CASP5: variants seen among roughly 807,000 people sequenced by gnomAD.
CASP5 encodes the protein caspase-5.
A neutral mutation model predicts 45.2 loss-of-function variants in CASP5; 42 were observed. The ratio of observed to expected loss-of-function variants is 0.93; its 90% CI spans 0.73 to 1.20. The LOEUF is 1.20. Among genes scored for constraint, CASP5 ranks in the 50% most tolerant of loss-of-function variants. CASP5 has a pLI of 0.00. For synonymous variants in CASP5, 209 were observed against 186.2 expected, an observed-to-expected ratio of 1.12 and a Z score of -1.00; for missense variants, 512 against 532.2, an observed-to-expected ratio of 0.96 and a Z score of 0.37.
intron 1 of CASP5, among the ~76,000 whole-genome samples, chr11:105,009,205 T>G (rs1310558575): frequency 1.3e-5 from 2 of 152,012 alleles, no homozygotes; most frequent in Non-Finnish European, 2.9e-5. Context: ...TTGTTTTTTA[T>G]AGCTTGTCTT....
chr11:105,008,712 G>A, intron 2 of CASP5, 95 bp downstream of exon 2: 2 of 816,160 alleles, frequency 2.5e-6, no homozygotes, highest in South Asian at 3.5e-5. Flanking sequence ...ATAAAGGAAG[G>A]AGGATAGGGG....
chr11:105,016,049 T>C (rs186180589), intron 1 of CASP5, among the ~76,000 whole-genome samples: 1 of 152,152 alleles, frequency 6.6e-6, no homozygotes, highest in South Asian at 2.1e-4. Flanking sequence ...AAAAAGGCAA[T>C]AGGGAGCCAA....
intron 1 of CASP5, among the ~76,000 whole-genome samples, chr11:105,021,225 T>A (rs1002042822): frequency 1.3e-5 from 2 of 150,896 alleles, no homozygotes; most frequent in African/African-American, 4.9e-5. Flanking sequence ...AACCTAGACA[T>A]TACCATTCAG....
intron 1 of CASP5, among the ~76,000 whole-genome samples, chr11:105,010,263 A>G (rs1862276027): frequency 6.6e-6 from 1 of 151,160 alleles, no homozygotes. Context: ...TACATTTAAT[A>G]AATGTAACAT....
At chr11:105,017,800 A>C (rs1328489104) in intron 1 of CASP5, among the ~76,000 whole-genome samples, 4 of 152,106 alleles carry the variant, frequency 2.6e-5, no homozygotes, top group Non-Finnish European at 5.9e-5. Flanking sequence ...CAGGAAATAC[A>C]GAGAATGCCA....
chr11:105,016,628 T>A (rs1056245031), intron 1 of CASP5, among the ~76,000 whole-genome samples: 1 of 152,226 alleles, frequency 6.6e-6, no homozygotes, highest in African/African-American at 2.4e-5. Flanking sequence ...CATCAGATTA[T>A]ATCCTGCACC....
In CASP5 at chr11:105,002,083, C is replaced by T; in HGVS notation, c.662G>A (p.Arg221Lys). The part of the protein sequence containing the change: ...GAHYDIVGMK[R>K]LLQGLGYTVV... ...AGTGTAGCCCAGGCCTTGAAGCAGCCTTTTCATCCCCACGATGTCATAGTG... is the reference window on the plus strand; with the variant it reads ...AGTGTAGCCCAGGCCTTGAAGCAGCTTTTTCATCCCCACGATGTCATAGTG... The change falls in exon 5 of 10, where the codon AGG becomes AAG. Residue 221 changes from arginine (R) to lysine (K), a missense_variant. By Grantham distance (26) the Arg-to-Lys change is conservative (BLOSUM62 2). Transcript: ENST00000260315. 1 of 1,614,180 alleles carries T rather than the reference C, an allele frequency of 6.2e-7. No individual in the cohort carries two copies. Among genetic ancestry groups the T allele is most frequent in the Non-Finnish European group, 8.5e-7 (1 of 1,180,034 alleles).
At chr11:105,020,274 C>T (rs1198578608) in intron 1 of CASP5, among the ~76,000 whole-genome samples, 1 of 151,560 alleles carries the variant, frequency 6.6e-6, no homozygotes, top group East Asian at 1.9e-4. Flanking sequence ...TCTCACCACT[C>T]CTATTCAACA....
At chr11:104,995,558 T>C (rs1001255041) in intron 9 of CASP5, among the ~76,000 whole-genome samples, 182 bp downstream of exon 9, 5 of 152,202 alleles carry the variant, frequency 3.3e-5, no homozygotes, top group African/African-American at 1.2e-4. Flanking sequence ...ATTGATTATA[T>C]AGTTGAGGGA....
intron 1 of CASP5, among the ~76,000 whole-genome samples, chr11:105,009,878 C>T (rs1442255035): frequency 7.2e-6 from 1 of 137,992 alleles, no homozygotes; most frequent in African/African-American, 2.8e-5. Context: ...TATATACACA[C>T]ATATATATAC....
intron 1 of CASP5, among the ~76,000 whole-genome samples, chr11:105,022,247 A>G (rs112474321): frequency 8.6e-5 from 13 of 151,872 alleles, no homozygotes; most frequent in African/African-American, 2.7e-4. Flanking sequence ...CCAGCATGTC[A>G]CATGTATACA....
In CASP5 at chr11:105,007,984, C is replaced by G. The variant is rs564852323; in HGVS notation, c.182-650G>C. On this transcript the variant is annotated intron_variant, in intron 2 of 9. Transcript: ENST00000260315. ...TTTGAAATTGAAAATAATATCATAA[C>G]TACTCTAGCATGGTGAATTTATGTG... Among the ~76,000 whole-genome samples, 3 of 152,188 alleles carry G rather than the reference C, an allele frequency of 2.0e-5. No individual in the cohort carries two copies. In the South Asian group the frequency reaches 6.2e-4, roughly 32 times the overall value.
At chr11:105,000,213 C>A in intron 6 of CASP5, 48 bp downstream of exon 6, 2 of 1,587,196 alleles carry the variant, frequency 1.3e-6, no homozygotes, top group Non-Finnish European at 1.7e-6. Context: ...CATCACAATC[C>A]TCTGCATACA....
Position 105,004,348 on chromosome 11 carries a change from G to T in CASP5, c.434-965C>A, listed in dbSNP as rs540189454. 6.6e-5 allele frequency among the ~76,000 whole-genome samples: 10 copies of T among 152,224 alleles called. No individual in the cohort carries two copies. In the East Asian group the frequency reaches 1.5e-3, roughly 23 times the overall value. ...ATCTGTTTTGGATAAGTTTGCTTCT[G>T]AGTAATTCTGATCTATCCCCTTGTG... On this transcript the variant is annotated intron_variant, in intron 3 of 9. Transcript: ENST00000260315.
At chr11:105,009,826 CACAT>C (rs1177619509) in intron 1 of CASP5, among the ~76,000 whole-genome samples, 5,914 of 90,698 alleles carry the variant, frequency 0.065, 295 homozygotes, top group African/African-American at 0.12. Flanking sequence ...TATATATATA[CACAT>C]ATATATATAC....
At chr11:105,006,640 G>A (rs1430317147) in intron 3 of CASP5, among the ~76,000 whole-genome samples, 2 of 152,204 alleles carry the variant, frequency 1.3e-5, no homozygotes, top group African/African-American at 4.8e-5. Flanking sequence ...TGGTATCTTG[G>A]AAGTTGTTGG....
Position 104,999,037 on chromosome 11 carries a change from A to T in CASP5, c.953-9T>A. The T allele has an allele frequency of 6.3e-7, 1 of 1,575,458 alleles. No homozygotes were observed. The highest frequency in any genetic ancestry group is 8.6e-7 in the Non-Finnish European group (1 of 1,167,904). ...GAGTTCCCCATGTTTTTCTGTAGAG[A>T]CATCAACTTTCTTTTTTTTTTATGT... On this transcript the variant is annotated splice_polypyrimidine_tract_variant and intron_variant, in intron 6 of 9. Transcript: ENST00000260315.
intron 2 of CASP5, among the ~76,000 whole-genome samples, 193 bp from the exon 3 acceptor site, chr11:105,007,527 T>G (rs1862070890): frequency 6.6e-6 from 1 of 152,194 alleles, no homozygotes; most frequent in Non-Finnish European, 1.5e-5. Flanking sequence ...CAGACTGTGC[T>G]TAGCAATTCA....
rs112680102 is a variant in CASP5 at position 105,007,313 on chromosome 11, GT to G, written c.202del (p.Thr68GlnfsTer26). On this transcript the variant is annotated frameshift_variant, in exon 3 of 10. Coordinates refer to ENST00000260315, the MANE Select transcript of CASP5 (RefSeq NM_004347.5). LOFTEE classifies it high-confidence loss of function. ...SVKKDNHKKKTVKMLEYLGKD... is the reference protein window; with the variant it reads ...SVKKDNHKKKXVKMLEYLGKD... ...GCCCAGGTATTCCAACATCTTAACTGTTTTTTTTTTGTGGTTGTCTTCTGTC... is the reference window on the plus strand; with the variant it reads ...GCCCAGGTATTCCAACATCTTAACTGTTTTTTTTTGTGGTTGTCTTCTGTC... The G allele has an allele frequency of 8.3e-4, 1,091 of 1,316,530 alleles. 2 individuals are homozygous for G. Among genetic ancestry groups the G allele is most frequent in the African/African-American group, 7.9e-3 (525 of 66,866 alleles). 81.6% of individuals were successfully genotyped at this position (1,316,530 alleles called of 1,614,324 possible).
Sources: allele counts gnomAD v4.1 joint callset (sites outside exome capture counted in the v4.1 genomes callset), GRCh38; gene constraint gnomAD v4.1.1; transcripts MANE v1.5; gene names NCBI Gene and HGNC (gene_info 2026-07-23, HGNC 2026-07-21).